The following MED16 variants were observed in gnomAD, a reference collection of about 807,000 sequenced individuals.
The protein encoded by MED16 is mediator complex subunit 16, also known as mediator of RNA polymerase II transcription subunit 16.
A neutral mutation model predicts 84.4 loss-of-function variants in MED16; 81 were observed. That is an observed-to-expected ratio of 0.96 (90% CI 0.80 to 1.15). The LOEUF is 1.15. MED16 is among the 50% of genes most tolerant of loss of function. MED16 has a pLI of 0.00. For synonymous variants in MED16, 897 were observed against 552.2 expected, an observed-to-expected ratio of 1.62 and a Z score of -8.76; for missense variants, 1,585 against 1,245.9, an observed-to-expected ratio of 1.27 and a Z score of -4.10.
At chr19:869,279 C>T (rs896573775) in intron 13 of MED16, among the ~76,000 whole-genome samples, 2 of 152,156 alleles carry the variant, frequency 1.3e-5, no homozygotes, top group Admixed American at 6.6e-5. Context: ...AGGGAAGGTG[C>T]TTGTGACGCT....
chr19:883,771 G>T (rs2036469194), intron 6 of MED16, among the ~76,000 whole-genome samples: 1 of 152,136 alleles, frequency 6.6e-6, no homozygotes, highest in Non-Finnish European at 1.5e-5. Flanking sequence ...CAGCCACACG[G>T]GGTGGCGCCA....
At chr19:875,124 A>G (rs1182583066) in intron 10 of MED16, 120 bp downstream of exon 10, 2 of 630,414 alleles carry the variant, frequency 3.2e-6, no homozygotes, top group Non-Finnish European at 4.9e-6. Flanking sequence ...AGATCGCACC[A>G]CTGCACTCCA....
intron 8 of MED16, among the ~76,000 whole-genome samples, chr19:878,559 C>A (rs1347576639): frequency 3.3e-3 from 35 of 10,480 alleles, no homozygotes; most frequent in African/African-American, 0.014. Flanking sequence ...GCCCACCAGC[C>A]CCAGCCCCAG....
At chr19:868,306 C>T (rs2035964047) in intron 15 of MED16, 55 bp from the exon 16 acceptor site, 3 of 1,587,882 alleles carry the variant, frequency 1.9e-6, no homozygotes, top group Non-Finnish European at 1.7e-6. Context: ...CGAGCGGTGG[C>T]TCTTGCAGCA....
intron 11 of MED16, chr19:872,836 G>T: frequency 4.2e-6 from 2 of 480,918 alleles, no homozygotes; most frequent in Non-Finnish European, 5.6e-6. Context: ...TAGGGGTGGG[G>T]CTGAGAAGGA....
intron 13 of MED16, among the ~76,000 whole-genome samples, chr19:869,513 G>A (rs192836310): frequency 6.8e-4 from 103 of 152,258 alleles, no homozygotes; most frequent in Non-Finnish European, 1.1e-3. Context: ...TGACGTAACC[G>A]TCCTCTCTTT....
At chr19:869,240 C>A (rs566320380) in intron 13 of MED16, among the ~76,000 whole-genome samples, 1 of 152,166 alleles carries the variant, frequency 6.6e-6, no homozygotes, top group Non-Finnish European at 1.5e-5. Context: ...GAGGGTCGGT[C>A]CGCCACGTGC....
intron 6 of MED16, among the ~76,000 whole-genome samples, chr19:883,736 C>T (rs559534497): frequency 2.5e-3 from 376 of 152,166 alleles, no homozygotes; most frequent in Non-Finnish European, 2.0e-3. Flanking sequence ...GCGGGGGCAC[C>T]GGGCAGTGAA....
intron 11 of MED16, among the ~76,000 whole-genome samples, chr19:872,410 G>C (rs972334403): frequency 3.9e-5 from 6 of 152,058 alleles, no homozygotes; most frequent in African/African-American, 1.5e-4. Context: ...GCACGTGGAG[G>C]AGCAGCCGCC....
intron 9 of MED16, 95 bp from the exon 10 acceptor site, chr19:875,549 G>A: frequency 1.0e-6 from 1 of 1,002,732 alleles, no homozygotes; most frequent in Non-Finnish European, 1.4e-6. Context: ...TCTGACACCA[G>A]GCGCTCGGTC....
intron 13 of MED16, 91 bp downstream of exon 13, chr19:870,946 C>G (rs1651890): frequency 0.29 from 357,955 of 1,237,308 alleles, 54,361 homozygotes; most frequent in African/African-American, 0.49. Context: ...GCAGGACATG[C>G]AGGGAGGGAG....
At chr19:868,320 G>GGGCTCAGGGGC (rs2035964311) in intron 15 of MED16, 69 bp from the exon 16 acceptor site, 2 of 1,574,916 alleles carry the variant, frequency 1.3e-6, no homozygotes, top group Admixed American at 1.8e-5. Flanking sequence ...TGCAGCAGCC[G>GGGCTCAGGGGC]GGCTCAGGGG....
chr19:868,733 C>G, intron 14 of MED16, 130 bp downstream of exon 14: 1 of 1,141,268 alleles, frequency 8.8e-7, no homozygotes. Flanking sequence ...GATCCTGGCT[C>G]CAACACTCCC....
At position 879,098 on chromosome 19, in the gene MED16, C is replaced by T. The variant is rs1441268494; in HGVS notation, c.1353+839G>A. Among the ~76,000 whole-genome samples, 3 of 128,128 alleles carry T rather than the reference C, an allele frequency of 2.3e-5. No individual in the cohort carries two copies. In the Admixed American group the frequency reaches 2.4e-4, roughly 10 times the overall value. The allele number at this position is 128,128 out of a possible 152,430, so 84.1% of individuals were successfully genotyped here. ...CCCAGCCCCACGTGCCCCAGCAGCTCGCCTTCCCCTGGTTGTCAATACCCC... is the reference window on the plus strand; with the variant it reads ...CCCAGCCCCACGTGCCCCAGCAGCTTGCCTTCCCCTGGTTGTCAATACCCC... On this transcript the variant is annotated intron_variant, in intron 8 of 15. Transcript: ENST00000325464.
At chr19:872,245 C>G in intron 11 of MED16, 127 bp from the exon 12 acceptor site, 1 of 770,652 alleles carries the variant, frequency 1.3e-6, no homozygotes, top group South Asian at 1.8e-5. Context: ...TTGTGGTGGT[C>G]AGGACTGGGG....
intron 4 of MED16, among the ~76,000 whole-genome samples, chr19:888,018 C>T (rs2036559109): frequency 6.6e-6 from 1 of 151,784 alleles, no homozygotes; most frequent in Non-Finnish European, 1.5e-5. Flanking sequence ...CCCTGACCAA[C>T]ATGGAGAAAC....
chr19:876,836 C>A (rs969342013), intron 9 of MED16, 138 bp downstream of exon 9: 2 of 805,758 alleles, frequency 2.5e-6, no homozygotes, highest in Admixed American at 6.1e-5. Flanking sequence ...CCCCTGCCTG[C>A]CACAGGGACA....
Position 885,453 on chromosome 19 carries a change from T to TG in MED16, c.879+316dup, listed in dbSNP as rs529689447. Among the ~76,000 whole-genome samples the TG allele has an allele frequency of 8.2e-3, 1,236 of 150,414 alleles. 21 individuals carry two copies. Among genetic ancestry groups the TG allele is most frequent in the African/African-American group, 0.027 (1,121 of 40,908 alleles). ...GGGACACTGAGACGGGAGAGCACGTTGGGGGGGGTCCGGGGGCCCCAGTGT... is the reference window on the plus strand; with the variant it reads ...GGGACACTGAGACGGGAGAGCACGTTGGGGGGGGGTCCGGGGGCCCCAGTGT... On this transcript the variant is annotated intron_variant, in intron 5 of 15. Transcript: ENST00000325464.
Position 890,140 on chromosome 19 carries a change from A to C in MED16, c.274T>G (p.Ser92Ala). Residue 92 changes from serine (S) to alanine (A), a missense_variant, in exon 3 of 16, where the codon TCA (serine) becomes GCA (alanine). Coordinates refer to ENST00000325464, the MANE Select transcript of MED16 (RefSeq NM_005481.3). ...CCACGTGGGACCAGCGCCTCACCTG[A>C]CTGGTCCCACTCCAGGCAGGTGATG... The part of the protein sequence containing the change: ...EAITCLEWDQ[S>A]GSRLLSADAD... 6.5e-7 allele frequency: 1 copy of C among 1,546,424 alleles called. No homozygotes were observed. The highest frequency in any genetic ancestry group is 1.2e-5 in the South Asian group (1 of 83,958).
Sources: allele counts gnomAD v4.1 joint callset (sites outside exome capture counted in the v4.1 genomes callset), GRCh38; gene constraint gnomAD v4.1.1; transcripts MANE v1.5; gene names NCBI Gene and HGNC (gene_info 2026-07-23, HGNC 2026-07-21).